The following KIF21B variants were observed in gnomAD, a reference collection of about 807,000 sequenced individuals.
KIF21B encodes the protein kinesin-like protein KIF21B.
A neutral mutation model predicts 192.9 loss-of-function variants in KIF21B; 85 were observed. The observed-to-expected ratio is 0.44, with a 90% CI of 0.37 to 0.53. The LOEUF (loss-of-function observed/expected upper bound fraction) is 0.53. Among genes scored for constraint, KIF21B ranks in the 20% least tolerant of loss-of-function variants. The pLI is 0.00. For synonymous variants in KIF21B, 832 were observed against 884.6 expected, an observed-to-expected ratio of 0.94 and a Z score of 1.05; for missense variants, 1,716 against 2,194.8, an observed-to-expected ratio of 0.78 and a Z score of 4.36.
chr1:201,009,538 G>T, intron 1 of KIF21B, 50 bp from the exon 2 acceptor site: 1 of 1,540,926 alleles, frequency 6.5e-7, no homozygotes, highest in Non-Finnish European at 8.8e-7. Flanking sequence ...GAAGGGGGCT[G>T]CCACAGGCCC....
chr1:200,985,914 C>T (rs1271012179), intron 26 of KIF21B, among the ~76,000 whole-genome samples: 1 of 149,764 alleles, frequency 6.7e-6, no homozygotes, highest in Non-Finnish European at 1.5e-5. Flanking sequence ...GGCGTGATCT[C>T]GGCCCACTGC....
At position 200,987,030 on chromosome 1, in the gene KIF21B, G is replaced by T; in HGVS notation, c.3580C>A (p.Arg1194Ser). 6.2e-7 allele frequency: 1 copy of T among 1,614,044 alleles called. No homozygotes were observed. Among genetic ancestry groups the T allele is most frequent in the Non-Finnish European group, 8.5e-7 (1 of 1,180,008 alleles). Residue 1194 changes from arginine (R) to serine (S), a missense_variant, in exon 25 of 35, where the codon CGC becomes AGC. Physicochemically the swap from Arg to Ser is moderately radical, Grantham distance 110. Transcript: ENST00000461742. The part of the protein sequence containing the change: ...RDPYYRDRVS[R>S]TVSLPTRGST... Reference sequence around the variant, plus strand: ...CCCCGGGTAGGCAGACTGACGGTGCGCGAGACCCTGTCCCGGTAATAGGGG... The same window carrying T: ...CCCCGGGTAGGCAGACTGACGGTGCTCGAGACCCTGTCCCGGTAATAGGGG...
chr1:201,020,647 C>T (rs55862304), intron 1 of KIF21B, among the ~76,000 whole-genome samples: 29,496 of 152,158 alleles, frequency 0.19, 3,591 homozygotes, highest in Non-Finnish European at 0.28. Flanking sequence ...AGCCCCAGGT[C>T]CTGAAAGTTT....
chr1:201,001,326 T>G (rs910721012), intron 9 of KIF21B: 4 of 153,820 alleles, frequency 2.6e-5, no homozygotes, highest in Admixed American at 1.3e-4. Flanking sequence ...GCTACTATAA[T>G]AAATTTATTC....
Position 201,004,703 on chromosome 1 carries a change from C to A in KIF21B, c.900+63G>T, listed in dbSNP as rs781559854. The A allele has an allele frequency of 1.3e-5, 21 of 1,596,230 alleles. 1 individual carries two copies. In the Middle Eastern group the frequency reaches 2.0e-3, roughly 152 times the overall value. ...ACTCAGCAGGTGTAGGACTGCAGGG[C>A]CTTGGAGGGGTCTGAGACTGAGCTG... On this transcript the variant is annotated intron_variant, in intron 6 of 34. Transcript: ENST00000461742.
intron 15 of KIF21B, among the ~76,000 whole-genome samples, chr1:200,995,106 A>G (rs1287152925): frequency 3.3e-5 from 5 of 152,324 alleles, no homozygotes; most frequent in African/African-American, 1.2e-4. Context: ...CTGGGCCTCA[A>G]TGACAGCTAT....
rs747946094 is a variant in KIF21B at position 200,988,557 on chromosome 1, G to A, written c.3299-13C>T. ...GCGTAGCCATTCTCTGTGGGAGGGC[G>A]GGAGGGAGGGAAAGGGGTTGAGAAG... On this transcript the variant is annotated splice_polypyrimidine_tract_variant and intron_variant, in intron 22 of 34. Transcript: ENST00000461742. 8.4e-6 allele frequency: 13 copies of A among 1,539,912 alleles called. No homozygotes were observed. The highest frequency in any genetic ancestry group is 4.7e-5 in the South Asian group (4 of 85,328).
chr1:200,977,295 C>T lies in KIF21B; in HGVS notation c.4242G>A (p.Gln1414=). The T allele has an allele frequency of 6.2e-7, 1 of 1,614,252 alleles. No homozygotes were observed. Among genetic ancestry groups the T allele is most frequent in the African/African-American group, 1.3e-5 (1 of 75,078 alleles). The change falls in exon 31 of 35, where the codon CAG becomes CAA. Residue 1414 remains glutamine, a synonymous_variant. Coordinates refer to ENST00000461742, the MANE Select transcript of KIF21B (RefSeq NM_001252102.2). ...AAGGGCTGAGGGCGATCTGGTTGAT[C>T]TGATGCTCGCCCTGAGCACTGGTGA... ...RAITSAQGEH[Q]INQIALSPSG...
chr1:200,986,986 C>T lies in KIF21B; in HGVS notation c.3614+10G>A, dbSNP rs1290936648. 3 of 1,613,938 alleles carry T rather than the reference C, an allele frequency of 1.9e-6. No individual in the cohort carries two copies. The African/African-American group carries it at 4.0e-5, about 22-fold the overall frequency. On this transcript the variant is annotated intron_variant, in intron 25 of 34. Transcript: ENST00000461742. ...TCCACTCCAACCCACATTCCTGCTC[C>T]CATCCTTACAAAGTGCTGCCCCGGG...
chr1:200,977,475 C>T, intron 30 of KIF21B, 99 bp from the exon 31 acceptor site: 1 of 1,405,752 alleles, frequency 7.1e-7, no homozygotes, highest in Non-Finnish European at 9.7e-7. Context: ...AAATAACCTA[C>T]TTCTTCCAGG....
chr1:200,995,088 T>C (rs1320515800), intron 15 of KIF21B, among the ~76,000 whole-genome samples: 1 of 152,224 alleles, frequency 6.6e-6, no homozygotes, highest in Non-Finnish European at 1.5e-5. Flanking sequence ...CCTGCCCAGG[T>C]GAGGTGGCTG....
At position 200,971,446 on chromosome 1, in the gene KIF21B, G is replaced by A. The variant is rs1655207677; in HGVS notation, c.*2075C>T. On this transcript the variant is annotated 3_prime_UTR_variant, in exon 35 of 35. Transcript: ENST00000461742. ...CAGGTGGGGCATCCCCGGCCCGGGG[G>A]TGGGAGCTCAAGGGGACAGAGTCTT... is the stretch of plus-strand genomic sequence containing the variant. 1 of 152,542 alleles carries A rather than the reference G, an allele frequency of 6.6e-6. No homozygotes were observed. Among genetic ancestry groups the A allele is most frequent in the Admixed American group, 6.5e-5 (1 of 15,292 alleles). The allele number at this position is 152,542 out of a possible 1,614,324, so 9.4% of individuals were successfully genotyped here.
Position 200,979,657 on chromosome 1 carries a change from G to A in KIF21B, c.4038C>T (p.Gly1346=). ...VTGQEIAALK[G]HPNNVVSIKY... is the part of the protein sequence containing the mutation. ...TGATGGAGACCACGTTGTTGGGGTG[G>A]CCCTTTAGAGCTGCGATCTCCTGTC... Residue 1346 remains glycine, a synonymous_variant, in exon 30 of 35, where the codon GGC becomes GGT. Transcript: ENST00000461742. 1.3e-6 allele frequency: 2 copies of A among 1,584,588 alleles called. No individual in the cohort carries two copies. The highest frequency in any genetic ancestry group is 1.4e-5 in the African/African-American group (1 of 73,334).
In KIF21B at chr1:200,981,083, G is replaced by A; in HGVS notation, c.3856C>T (p.Pro1286Ser). 1.9e-6 allele frequency: 3 copies of A among 1,592,266 alleles called. No homozygotes were observed. The highest frequency in any genetic ancestry group is 2.6e-6 in the Non-Finnish European group (3 of 1,173,218). ...CGTGCACCCTTGGCTCCTCCAACCG[G>A]GGAGATGATGCCCCTTCCCGGGAGA... ...LSEVLRGIISPVGGAKGARTA... is the reference protein window; with the variant it reads ...LSEVLRGIISSVGGAKGARTA... The change falls in exon 29 of 35, where the codon CCG becomes TCG. Residue 1286 changes from proline (P) to serine (S), a missense_variant. This residue lies in a region of KIF21B where 580 missense variants were observed against 775.5 expected (regional missense o/e 0.75). Coordinates refer to ENST00000461742, the MANE Select transcript of KIF21B (RefSeq NM_001252102.2).
rs1291352143 is a variant in KIF21B at position 200,970,432 on chromosome 1, C to T, written c.*3089G>A. ...GGGCTGAAGGTGGCACTCTGACCACCTCAAAGGCTTGGGTGTGCCAGGCTC... is the reference window on the plus strand; with the variant it reads ...GGGCTGAAGGTGGCACTCTGACCACTTCAAAGGCTTGGGTGTGCCAGGCTC... On this transcript the variant is annotated 3_prime_UTR_variant, in exon 35 of 35. Transcript: ENST00000461742. 6.6e-6 allele frequency: 1 copy of T among 152,618 alleles called. No individual in the cohort carries two copies. Among genetic ancestry groups the T allele is most frequent in the African/African-American group, 2.4e-5 (1 of 41,484 alleles). 9.5% of individuals were successfully genotyped at this position (152,618 alleles called of 1,614,324 possible). A position where few individuals can be genotyped will look rare whatever the true frequency, so the allele number is the denominator to read the frequency against.
At position 200,999,747 on chromosome 1, in the gene KIF21B, G is replaced by A. The variant is rs1287685315; in HGVS notation, c.1767+136C>T. ...CCATGGTAACCAGTCAGAGATATAA[G>A]GAAGTACAAGGATCAACTGGATGCA... On this transcript the variant is annotated intron_variant, in intron 12 of 34. Transcript: ENST00000461742. This position sits in a 1 kb window ranked among gnomAD's most constrained non-coding sequence, Gnocchi z 4.7. 6 of 937,942 alleles carry A rather than the reference G, an allele frequency of 6.4e-6. No individual in the cohort carries two copies. The highest frequency in any genetic ancestry group is 1.0e-5 in the Non-Finnish European group (6 of 593,038). The allele number at this position is 937,942 out of a possible 1,614,324, so 58.1% of individuals were successfully genotyped here.
Position 201,008,762 on chromosome 1 carries a change from A to C in KIF21B, c.447+7T>G, listed in dbSNP as rs1469071725. On this transcript the variant is annotated splice_region_variant and intron_variant, in intron 3 of 34. Coordinates refer to ENST00000461742, the MANE Select transcript of KIF21B (RefSeq NM_001252102.2). Reference sequence around the variant, plus strand: ...TCCCACCTGCCCACCCTATGGGGCCACAGTACCTCCAGAAACTGGGCGCTG... The same window carrying C: ...TCCCACCTGCCCACCCTATGGGGCCCCAGTACCTCCAGAAACTGGGCGCTG... The C allele has an allele frequency of 6.3e-7, 1 of 1,589,982 alleles. No individual in the cohort carries two copies. Among genetic ancestry groups the C allele is most frequent in the South Asian group, 1.1e-5 (1 of 89,408 alleles).
At position 201,002,256 on chromosome 1, in the gene KIF21B, A is replaced by G; in HGVS notation, c.1307T>C (p.Leu436Pro). The change falls in exon 9 of 35, where the codon CTG (leucine) becomes CCG (proline). Residue 436 changes from leucine to proline, a missense_variant. By Grantham distance (98) the Leu-to-Pro change is moderately conservative. This residue lies in a region of KIF21B where 1,087 missense variants were observed against 1,316.6 expected (regional missense o/e 0.83). Transcript: ENST00000461742. ...GGCCTCCTGCATGGCTTTCACCCGC[A>G]GCCGCAGGGCCCCATTCTCCTTCTG... is the stretch of plus-strand genomic sequence containing the variant. ...MLQKENGALRLRVKAMQEAID... is the reference protein window; with the variant it reads ...MLQKENGALRPRVKAMQEAID... The G allele has an allele frequency of 6.2e-7, 1 of 1,614,212 alleles. No homozygotes were observed. Among genetic ancestry groups the G allele is most frequent in the Non-Finnish European group, 8.5e-7 (1 of 1,180,038 alleles).
chr1:200,988,637 T>C, intron 22 of KIF21B, 93 bp from the exon 23 acceptor site: 1 of 1,461,650 alleles, frequency 6.8e-7, no homozygotes, highest in Non-Finnish European at 9.3e-7. Context: ...TCTCACCCAC[T>C]GGAATCAGAC....
Sources: allele counts gnomAD v4.1 joint callset (sites outside exome capture counted in the v4.1 genomes callset), GRCh38; gene constraint gnomAD v4.1.1; regional missense constraint gnomAD v4.1.1; non-coding constraint Gnocchi (gnomAD v3.1); transcripts MANE v1.5; gene names NCBI Gene and HGNC (gene_info 2026-07-23, HGNC 2026-07-21).